Variants in GRM5 observed in about 807,000 individuals in gnomAD.
GRM5 encodes the protein glutamate metabotropic receptor 5.
A neutral mutation model predicts 83.1 loss-of-function variants in GRM5; 19 were observed. The observed-to-expected ratio is 0.23, with a 90% confidence interval of 0.16 to 0.34. The LOEUF is 0.34. Ranked by LOEUF, GRM5 falls within the 10% of genes least tolerant of loss-of-function variation. GRM5 has a pLI of 1.00. For missense variants in GRM5, 1,160 were observed against 1,588.3 expected (o/e 0.73, Z 4.58); for synonymous variants, 675 against 633.6 (o/e 1.07, Z -0.98).
At position 88,630,556 on chromosome 11, in the gene GRM5, C is replaced by A. The variant is rs981581383; in HGVS notation, c.1147+22612G>T. ...AATGTAATACACACACACACACACA[C>A]ACACACACACACACACAAACACACA... On this transcript the variant is annotated intron_variant, in intron 4 of 9. Transcript: ENST00000305447. Among the ~76,000 whole-genome samples, 36 of 37,192 alleles carry A rather than the reference C, an allele frequency of 9.7e-4. 1 individual carries two copies. The highest frequency in any genetic ancestry group is 2.3e-3 in the African/African-American group (35 of 15,296). 24.4% of individuals were successfully genotyped at this position (37,192 alleles called of 152,430 possible).
chr11:88,642,264 G>C (rs914566367), intron 4 of GRM5, among the ~76,000 whole-genome samples: 1 of 152,118 alleles, frequency 6.6e-6, no homozygotes, highest in African/African-American at 2.4e-5. Context: ...CCTGGATGTG[G>C]GTAACAACAT....
chr11:88,867,192 C>CT (rs1464846523), intron 2 of GRM5, among the ~76,000 whole-genome samples: 1 of 151,820 alleles, frequency 6.6e-6, no homozygotes, highest in Non-Finnish European at 1.5e-5. Context: ...CCTACAGGCT[C>CT]TTTTTTGGTT....
chr11:88,694,306 C>T (rs61902936), intron 3 of GRM5, among the ~76,000 whole-genome samples: 18,602 of 152,016 alleles, frequency 0.12, 1,506 homozygotes, highest in Middle Eastern at 0.19. Context: ...TTTTACACAC[C>T]GTTAGGTCTC....
intron 2 of GRM5, among the ~76,000 whole-genome samples, chr11:88,892,796 T>C (rs1011413816): frequency 1.3e-5 from 2 of 151,946 alleles, no homozygotes; most frequent in Non-Finnish European, 2.9e-5. Flanking sequence ...GAGAGATGGG[T>C]AATGTGAAAA....
At chr11:89,040,712 A>G (rs1233486065) in intron 2 of GRM5, among the ~76,000 whole-genome samples, 1 of 151,956 alleles carries the variant, frequency 6.6e-6, no homozygotes, top group Non-Finnish European at 1.5e-5. Context: ...AAGAATAAAA[A>G]AGAGAGAGAG....
chr11:89,039,278 A>T (rs35344939), intron 2 of GRM5, among the ~76,000 whole-genome samples: 2,873 of 149,168 alleles, frequency 0.019, 42 homozygotes, highest in Middle Eastern at 0.076. Flanking sequence ...ATAAAAAAAA[A>T]ATATATATAT....
chr11:88,677,892 A>T (rs528867600), intron 3 of GRM5, among the ~76,000 whole-genome samples: 1 of 152,238 alleles, frequency 6.6e-6, no homozygotes, highest in Non-Finnish European at 1.5e-5. Context: ...CAATACATGG[A>T]ATGCTGTTAC....
In GRM5 at chr11:88,960,621, G is replaced by T. The variant is rs1191349646; in HGVS notation, c.661+86591C>A. Among the ~76,000 whole-genome samples, 4 of 152,176 alleles carry T rather than the reference G, an allele frequency of 2.6e-5. No individual in the cohort carries two copies. The East Asian group carries it at 7.7e-4, about 29-fold the overall frequency. The stretch of plus-strand genomic sequence containing the variant: ...AGGGCAAGTGTGGAAGCAGGAAGAT[G>T]AGTTGGGAAGCTTACAATACCCAGA... On this transcript the variant is annotated intron_variant, in intron 2 of 9. Coordinates refer to ENST00000305447, the MANE Select transcript of GRM5 (RefSeq NM_001143831.3).
intron 8 of GRM5, among the ~76,000 whole-genome samples, chr11:88,531,917 A>C (rs923439274): frequency 6.6e-6 from 1 of 152,048 alleles, no homozygotes; most frequent in Non-Finnish European, 1.5e-5. Flanking sequence ...GTGAGCACTT[A>C]AACTCGTTTT....
At chr11:89,038,527 GTC>G (rs1158386882) in intron 2 of GRM5, among the ~76,000 whole-genome samples, 2 of 152,190 alleles carry the variant, frequency 1.3e-5, no homozygotes, top group East Asian at 3.9e-4. Context: ...ACCAAGCACA[GTC>G]TGTGCTTTTC....
At chr11:88,517,689 T>C (rs1201844150) in intron 9 of GRM5, among the ~76,000 whole-genome samples, 1 of 152,130 alleles carries the variant, frequency 6.6e-6, no homozygotes, top group African/African-American at 2.4e-5. Context: ...AAAATTCACT[T>C]CCCTCTCAAG....
rs1941182409 is a variant in GRM5 at position 88,506,300 on chromosome 11, G to GA, written c.*2291dup. On this transcript the variant is annotated 3_prime_UTR_variant, in exon 10 of 10. Transcript: ENST00000305447. Reference sequence around the variant, plus strand: ...ACATGTTCTTCAACTGGTCTAGAGTGAAACGTATTGTACTTGAGAATAAAA... The same window carrying GA: ...ACATGTTCTTCAACTGGTCTAGAGTGAAAACGTATTGTACTTGAGAATAAAA... The GA allele has an allele frequency of 6.6e-6, 1 of 152,130 alleles. No individual in the cohort carries two copies. Among genetic ancestry groups the GA allele is most frequent in the Non-Finnish European group, 1.5e-5 (1 of 68,010 alleles). 9.4% of individuals were successfully genotyped at this position (152,130 alleles called of 1,614,324 possible).
intron 2 of GRM5, among the ~76,000 whole-genome samples, chr11:88,894,168 A>C (rs1945192652): frequency 6.6e-6 from 1 of 151,954 alleles, no homozygotes; most frequent in Non-Finnish European, 1.5e-5. Context: ...CATTTGCATA[A>C]TAACATTAGG....
At chr11:89,007,189 T>C (rs1040857087) in intron 2 of GRM5, among the ~76,000 whole-genome samples, 1 of 152,238 alleles carries the variant, frequency 6.6e-6, no homozygotes, top group African/African-American at 2.4e-5. Context: ...CAGGACTTGC[T>C]TCCTTTACTT....
chr11:88,756,719 C>A (rs1565216352), intron 3 of GRM5, among the ~76,000 whole-genome samples: 1 of 151,642 alleles, frequency 6.6e-6, no homozygotes, highest in Non-Finnish European at 1.5e-5. Flanking sequence ...GAAGATAGGA[C>A]AATGGAAATT....
chr11:88,962,954 C>T (rs557967757), intron 2 of GRM5, among the ~76,000 whole-genome samples: 9 of 152,134 alleles, frequency 5.9e-5, no homozygotes, highest in East Asian at 1.9e-4. Context: ...CCAGGCATGG[C>T]GGCACACGCC....
chr11:88,665,877 G>A lies in GRM5; in HGVS notation c.912-12474C>T, dbSNP rs572395650. Among the ~76,000 whole-genome samples, 4 of 150,238 alleles carry A rather than the reference G, an allele frequency of 2.7e-5. No homozygotes were observed. The South Asian group carries it at 8.4e-4, about 32-fold the overall frequency. On this transcript the variant is annotated intron_variant, in intron 3 of 9. Coordinates refer to ENST00000305447, the MANE Select transcript of GRM5 (RefSeq NM_001143831.3). ...AGGAGAAAAAAAAAAATGGACTGAA[G>A]AAAGACTTTCCCTTTGAAGTATGTG...
chr11:88,754,823 A>G (rs1214758242), intron 3 of GRM5, among the ~76,000 whole-genome samples: 1 of 152,136 alleles, frequency 6.6e-6, no homozygotes, highest in Admixed American at 6.6e-5. Flanking sequence ...GTCTGACATC[A>G]AATTCTGCAG....
chr11:88,934,145 C>G (rs1937812550), intron 2 of GRM5, among the ~76,000 whole-genome samples: 2 of 151,786 alleles, frequency 1.3e-5, no homozygotes, highest in Non-Finnish European at 3.0e-5. Flanking sequence ...TTTGATAAGT[C>G]ACAATCATCA....
Sources: gnomAD v4.1 joint callset for allele counts (sites outside exome capture counted in the v4.1 genomes callset) on GRCh38, gnomAD v4.1.1 for gene constraint, MANE v1.5 for transcripts, NCBI Gene and HGNC (gene_info 2026-07-23, HGNC 2026-07-21) for gene names.